The following SLC2A3 variants were observed in gnomAD, a reference collection of about 807,000 sequenced individuals.
SLC2A3 encodes solute carrier family 2 member 3, also known as solute carrier family 2, facilitated glucose transporter member 3.
Under a neutral mutation model 46.4 loss-of-function variants are expected in SLC2A3, and 21 were observed. The ratio of observed to expected loss-of-function variants is 0.45; its 90% CI spans 0.32 to 0.65. The LOEUF is 0.65. Ranked by LOEUF, SLC2A3 falls within the 30% of genes least tolerant of loss-of-function variation. The pLI, the probability that SLC2A3 is intolerant of heterozygous loss-of-function variation, is 0.04. For synonymous variants in SLC2A3, 213 were observed against 239.4 expected, an observed-to-expected ratio of 0.89 and a Z score of 1.02; for missense variants, 499 against 623.3, an observed-to-expected ratio of 0.80 and a Z score of 2.12.
chr12:7,922,439 TGAA>T (rs140613845), intron 9 of SLC2A3, among the ~76,000 whole-genome samples: 5,199 of 152,160 alleles, frequency 0.034, 139 homozygotes, highest in Middle Eastern at 0.12. Context: ...TAACTGAAAC[TGAA>T]GAAGAGGAGG....
chr12:7,931,593 T>A, intron 3 of SLC2A3, 108 bp from the exon 4 acceptor site: 1 of 1,478,432 alleles, frequency 6.8e-7, no homozygotes, highest in South Asian at 1.3e-5. Flanking sequence ...ATCCCTTTTT[T>A]TTTTAATCTA....
At chr12:7,921,908 CTGGGCCGAG>C (rs1448008728) in intron 9 of SLC2A3, among the ~76,000 whole-genome samples, 1 of 151,996 alleles carries the variant, frequency 6.6e-6, no homozygotes, top group Non-Finnish European at 1.5e-5. Context: ...ATCTGTGTTT[CTGGGCCGAG>C]TGCGGTGGCT....
At chr12:7,923,766 G>T (rs1375146498) in intron 8 of SLC2A3, among the ~76,000 whole-genome samples, 3 of 131,368 alleles carry the variant, frequency 2.3e-5, no homozygotes, top group Non-Finnish European at 4.8e-5. Context: ...AGCCAGGATT[G>T]GATTTTTTTT....
chr12:7,923,510 G>A (rs1364002781), intron 8 of SLC2A3, among the ~76,000 whole-genome samples: 2 of 152,092 alleles, frequency 1.3e-5, no homozygotes, highest in Admixed American at 1.3e-4. Flanking sequence ...AGCTACCTGG[G>A]AGGCTGAGGC....
chr12:7,930,593 A>T lies in SLC2A3; in HGVS notation c.560T>A (p.Leu187Gln). Residue 187 changes from leucine to glutamine, a missense_variant, in exon 5 of 10, where the codon CTA (leucine) becomes CAA (glutamine). Coordinates refer to ENST00000075120, the MANE Select transcript of SLC2A3 (RefSeq NM_006931.3). The part of the protein sequence containing the change: ...ILGSEELWPL[L>Q]LGFTILPAIL... ...AGCAGGAAGGATGGTAAAACCCAGT[A>T]GCAGCGGCCATAGCTCTTCAGACCC... 6.2e-7 allele frequency: 1 copy of T among 1,614,008 alleles called. No individual in the cohort carries two copies. Among genetic ancestry groups the T allele is most frequent in the South Asian group, 1.1e-5 (1 of 91,074 alleles).
Position 7,920,760 on chromosome 12 carries a change from A to G in SLC2A3, c.*653T>C, listed in dbSNP as rs1447864630. The G allele has an allele frequency of 3.9e-5, 6 of 154,556 alleles. No homozygotes were observed. Among genetic ancestry groups the G allele is most frequent in the African/African-American group, 1.5e-4 (6 of 41,206 alleles). The allele number at this position is 154,556 out of a possible 1,614,324, so 9.6% of individuals were successfully genotyped here. ...TCTACTCTATAACCTCTCTTTAAAC[A>G]CCTCCCTCTAATCTCAATTTCCTTC... On this transcript the variant is annotated 3_prime_UTR_variant, in exon 10 of 10. Transcript: ENST00000075120.
intron 2 of SLC2A3, 143 bp from the exon 3 acceptor site, chr12:7,933,290 T>A (rs999918726): frequency 2.2e-6 from 2 of 916,546 alleles, no homozygotes; most frequent in African/African-American, 3.4e-5. Context: ...TATTGGAATT[T>A]ATGTTAACTC....
chr12:7,930,274 C>G (rs1387708365), intron 5 of SLC2A3: 2 of 586,126 alleles, frequency 3.4e-6, no homozygotes, highest in African/African-American at 3.7e-5. Flanking sequence ...AGCCATCACA[C>G]CCTGCCTGAT....
rs765973943 is a variant in SLC2A3 at position 7,929,414 on chromosome 12, A to G, written c.861+270T>C. The G allele has an allele frequency of 2.8e-5, 13 of 466,750 alleles. No individual in the cohort carries two copies. The South Asian group carries it at 4.2e-4, about 15-fold the overall frequency. 28.9% of individuals were successfully genotyped at this position (466,750 alleles called of 1,614,324 possible). A position where few individuals can be genotyped will look rare whatever the true frequency, so the allele number is the denominator to read the frequency against. Reference sequence around the variant, plus strand: ...ACTAGTTGTAAAAACAGACTGGTAAAGTCAGTTCACTCTGAAGTTGCCAGT... The same window carrying G: ...ACTAGTTGTAAAAACAGACTGGTAAGGTCAGTTCACTCTGAAGTTGCCAGT... On this transcript the variant is annotated intron_variant, in intron 6 of 9. Coordinates refer to ENST00000075120, the MANE Select transcript of SLC2A3 (RefSeq NM_006931.3).
chr12:7,933,682 G>A, intron 2 of SLC2A3, 128 bp downstream of exon 2: 1 of 942,032 alleles, frequency 1.1e-6, no homozygotes. Flanking sequence ...TTAAGCCTCA[G>A]CCTCAGGAGT....
chr12:7,925,581 G>A, intron 7 of SLC2A3: 1 of 334,226 alleles, frequency 3.0e-6, no homozygotes, highest in Admixed American at 4.2e-5. Context: ...AACAGAGCTT[G>A]AGAGTTTTTC....
Position 7,930,567 on chromosome 12 carries a change from T to C in SLC2A3, c.586A>G (p.Ile196Val), listed in dbSNP as rs772088926. 11 of 1,613,832 alleles carry C rather than the reference T, an allele frequency of 6.8e-6. No individual in the cohort carries two copies. Among genetic ancestry groups the C allele is most frequent in the East Asian group, 2.2e-5 (1 of 44,890 alleles). Residue 196 changes from isoleucine (I) to valine (V), a missense_variant, in exon 5 of 10, where the codon ATC becomes GTC. Transcript: ENST00000075120. The stretch of plus-strand genomic sequence containing the variant: ...AATGGAAGGGCTGCACTTTGTAGGA[T>C]AGCAGGAAGGATGGTAAAACCCAGT... ...LLLGFTILPAILQSAALPFCP... is the reference protein window; with the variant it reads ...LLLGFTILPAVLQSAALPFCP...
At chr12:7,927,127 A>C (rs1946103109) in intron 6 of SLC2A3, among the ~76,000 whole-genome samples, 1 of 152,114 alleles carries the variant, frequency 6.6e-6, no homozygotes, top group African/African-American at 2.4e-5. Context: ...CCTAGTACGT[A>C]AGATGTAAAC....
chr12:7,921,644 C>T lies in SLC2A3; in HGVS notation c.1273-13G>A. ...CTCCTAAATAGTGCTAGAGAAAGGA[C>T]AGAAAAAAGGAAGGTTGATATAAAA... On this transcript the variant is annotated splice_polypyrimidine_tract_variant and intron_variant, in intron 9 of 9. Coordinates refer to ENST00000075120, the MANE Select transcript of SLC2A3 (RefSeq NM_006931.3). 6.2e-7 allele frequency: 1 copy of T among 1,602,168 alleles called. No homozygotes were observed. The highest frequency in any genetic ancestry group is 1.1e-5 in the South Asian group (1 of 89,156).
At position 7,925,993 on chromosome 12, in the gene SLC2A3, C is replaced by G. The variant is rs757320858; in HGVS notation, c.862-45G>C. ...GCAGCTTTGATGCAATTCTGCACAC[C>G]AGTTACACAGAACCCTCAAAAATAA... On this transcript the variant is annotated intron_variant, in intron 6 of 9. Transcript: ENST00000075120. 8.1e-6 allele frequency: 12 copies of G among 1,482,312 alleles called. No individual in the cohort carries two copies. The Middle Eastern group carries it at 5.2e-4, about 64-fold the overall frequency. 91.8% of individuals were successfully genotyped at this position (1,482,312 alleles called of 1,614,324 possible). A position where few individuals can be genotyped will look rare whatever the true frequency, so the allele number is the denominator to read the frequency against.
intron 2 of SLC2A3, 175 bp from the exon 3 acceptor site, chr12:7,933,322 T>G: frequency 1.2e-6 from 1 of 824,700 alleles, no homozygotes. Context: ...GTAATTCTAT[T>G]TGTCCTGAAA....
rs1946036448 is a variant in SLC2A3 at position 7,921,495 on chromosome 12, T to TCAAAG, written c.1408_1409insCTTTG (p.His470ProfsTer16). 6.2e-7 allele frequency: 1 copy of TCAAAG among 1,613,848 alleles called. No homozygotes were observed. Among genetic ancestry groups the TCAAAG allele is most frequent in the African/African-American group, 1.3e-5 (1 of 74,912 alleles). On this transcript the variant is annotated frameshift_variant, in exon 10 of 10. Transcript: ENST00000075120. LOFTEE classifies it high-confidence loss of function. ...GTCCTTTCCAGATCTATCTGCACCG[T>TCAAAG]GTGCCTGCCCTTCAAAGGCCCGTGT...
In SLC2A3 at chr12:7,931,489, T is replaced by A. The variant is rs566801336; in HGVS notation, c.270-4A>T. 93 of 1,614,098 alleles carry A rather than the reference T, an allele frequency of 5.8e-5. No individual in the cohort carries two copies. In the African/African-American group the frequency reaches 1.1e-3, roughly 19 times the overall value. On this transcript the variant is annotated splice_polypyrimidine_tract_variant and splice_region_variant and intron_variant, in intron 3 of 9. Transcript: ENST00000075120. ...GACAATCAGCATTGAATTGCGCCTG[T>A]AAGGTTAATCAAAGACAAAGTAGAA...
In SLC2A3 at chr12:7,921,129, A is replaced by C; in HGVS notation, c.*284T>G. On this transcript the variant is annotated 3_prime_UTR_variant, in exon 10 of 10. Coordinates refer to ENST00000075120, the MANE Select transcript of SLC2A3 (RefSeq NM_006931.3). ...GCAATATCAGAACCCAAGGGAGGAA[A>C]AGCTGGCAAAGTTGTCATGTGCCAA... The C allele has an allele frequency of 3.0e-6, 2 of 658,824 alleles. No individual in the cohort carries two copies. Among genetic ancestry groups the C allele is most frequent in the Non-Finnish European group, 5.3e-6 (2 of 379,378 alleles). 40.8% of individuals were successfully genotyped at this position (658,824 alleles called of 1,614,324 possible).
Sources: gnomAD v4.1 joint callset for allele counts (sites outside exome capture counted in the v4.1 genomes callset) on GRCh38, gnomAD v4.1.1 for gene constraint, MANE v1.5 for transcripts, NCBI Gene and HGNC (gene_info 2026-07-23, HGNC 2026-07-21) for gene names.